The following BBS9 variants were observed in gnomAD, a reference collection of about 807,000 sequenced individuals.
BBS9 encodes the protein protein PTHB1.
In BBS9, 89 loss-of-function variants were observed where a neutral mutation model predicts 117.7. That is an observed-to-expected ratio of 0.76 (90% CI 0.64 to 0.90). The LOEUF (loss-of-function observed/expected upper bound fraction) is 0.90. BBS9 is among the 40% of genes least tolerant of loss of function. The pLI, the probability that BBS9 is intolerant of heterozygous loss-of-function variation, is 0.00. For missense variants in BBS9, 982 were observed against 1,042.2 expected (o/e 0.94, Z 0.80); for synonymous variants, 379 against 370.9 (o/e 1.02, Z -0.25).
At chr7:33,254,130 T>C (rs1305187886) in intron 5 of BBS9, among the ~76,000 whole-genome samples, 1 of 152,226 alleles carries the variant, frequency 6.6e-6, no homozygotes, top group Non-Finnish European at 1.5e-5. Flanking sequence ...TTTTGGATTA[T>C]TTGATATGTG....
At chr7:33,527,027 C>T (rs1282858516) in intron 20 of BBS9, among the ~76,000 whole-genome samples, 4 of 151,242 alleles carry the variant, frequency 2.6e-5, no homozygotes, top group Non-Finnish European at 5.9e-5. Context: ...TCAGTGTGCC[C>T]CTGTTGGGGG....
chr7:33,540,814 T>C (rs1477696726), intron 21 of BBS9, among the ~76,000 whole-genome samples: 1 of 152,232 alleles, frequency 6.6e-6, no homozygotes, highest in Non-Finnish European at 1.5e-5. Context: ...GCAGCTGTTT[T>C]TTGGATTCTC....
At chr7:33,405,669 T>A (rs1829800551) in intron 19 of BBS9, among the ~76,000 whole-genome samples, 1 of 152,218 alleles carries the variant, frequency 6.6e-6, no homozygotes, top group African/African-American at 2.4e-5. Flanking sequence ...TAGTTTGTAT[T>A]TCTGTGGGAT....
At chr7:33,147,809 G>C (rs546840401) in intron 2 of BBS9, among the ~76,000 whole-genome samples, 2 of 152,332 alleles carry the variant, frequency 1.3e-5, no homozygotes, top group Admixed American at 1.3e-4. Flanking sequence ...AATATGCTGA[G>C]ATACTGCTTC....
intron 1 of BBS9, among the ~76,000 whole-genome samples, chr7:33,145,669 C>T (rs913042009): frequency 1.3e-5 from 2 of 152,272 alleles, no homozygotes; most frequent in East Asian, 1.9e-4. Context: ...GTTGGCCCTC[C>T]GTGTCCCCGG....
intron 16 of BBS9, among the ~76,000 whole-genome samples, chr7:33,366,214 G>C (rs1296741712): frequency 2.0e-5 from 3 of 152,166 alleles, no homozygotes; most frequent in Non-Finnish European, 4.4e-5. Flanking sequence ...AAAGATGCTG[G>C]TGTCTTCTGT....
intron 21 of BBS9, among the ~76,000 whole-genome samples, chr7:33,573,313 G>T (rs1239351985): frequency 1.3e-5 from 2 of 151,952 alleles, no homozygotes; most frequent in Non-Finnish European, 2.9e-5. Context: ...ATTCTTCAGT[G>T]GACAGGAAAA....
intron 21 of BBS9, among the ~76,000 whole-genome samples, chr7:33,629,166 C>T (rs1865774358): frequency 2.0e-5 from 3 of 152,162 alleles, no homozygotes; most frequent in Admixed American, 6.5e-5. Context: ...TAAACGCTGA[C>T]CTCTAGGACT....
intron 17 of BBS9, among the ~76,000 whole-genome samples, chr7:33,381,345 T>C (rs1041632681): frequency 1.3e-5 from 2 of 152,168 alleles, no homozygotes; most frequent in African/African-American, 2.4e-5. Context: ...GCTATCAGGC[T>C]CTCTTTCCAA....
rs564075020 is a variant in BBS9, at chr7:33,517,653, C to T, written c.2298+12008C>T. 7.2e-5 allele frequency among the ~76,000 whole-genome samples: 11 copies of T among 152,314 alleles called. No homozygotes were observed. In the South Asian group the frequency reaches 1.9e-3, roughly 26 times the overall value. On this transcript the variant is annotated intron_variant, in intron 20 of 22. Transcript: ENST00000242067. ...TGGCTCTGCTCTCAAGTCAACTACT[C>T]GGGCTTTTATCTTTGTCTCAGGACT...
At chr7:33,449,384 C>T (rs916544821) in intron 19 of BBS9, among the ~76,000 whole-genome samples, 1 of 152,100 alleles carries the variant, frequency 6.6e-6, no homozygotes, top group Non-Finnish European at 1.5e-5. Flanking sequence ...GATTTGTTTC[C>T]CAAATTTGTA....
At chr7:33,204,075 T>C (rs1031336150) in intron 5 of BBS9, among the ~76,000 whole-genome samples, 11 of 149,302 alleles carry the variant, frequency 7.4e-5, no homozygotes, top group African/African-American at 2.0e-4. Flanking sequence ...TCAGTCAGCA[T>C]CCTAGCAGGA....
intron 19 of BBS9, among the ~76,000 whole-genome samples, chr7:33,435,872 T>G (rs1227790873): frequency 6.6e-6 from 1 of 152,166 alleles, no homozygotes; most frequent in Non-Finnish European, 1.5e-5. Flanking sequence ...TTATTATCAG[T>G]GCTGAATATT....
At chr7:33,581,344 G>A (rs1453666333) in intron 21 of BBS9, among the ~76,000 whole-genome samples, 4 of 152,060 alleles carry the variant, frequency 2.6e-5, no homozygotes, top group African/African-American at 7.2e-5. Context: ...ACCTATAAAC[G>A]TTATGACTGT....
At chr7:33,357,711 A>T in intron 15 of BBS9, 144 bp from the exon 16 acceptor site, 1 of 806,618 alleles carries the variant, frequency 1.2e-6, no homozygotes, top group Non-Finnish European at 2.1e-6. Context: ...ATAATAATTT[A>T]CAGTTATTTC....
In BBS9 at chr7:33,130,031, C is replaced by G. The variant is rs1250201971; in HGVS notation, c.-22C>G. On this transcript the variant is annotated 5_prime_UTR_variant, in exon 1 of 23. Transcript: ENST00000242067. ...GAAAGGTGGGGCAGAGCTCATCTGA[C>G]GTGGCATCAGGTAAGATGGTATGTC... 6.6e-6 allele frequency: 1 copy of G among 152,146 alleles called. No individual in the cohort carries two copies. The highest frequency in any genetic ancestry group is 1.5e-5 in the Non-Finnish European group (1 of 68,038). 9.4% of individuals were successfully genotyped at this position (152,146 alleles called of 1,614,324 possible).
chr7:33,146,113 G>T (rs1792301511), intron 1 of BBS9, 129 bp from the exon 2 acceptor site: 11 of 675,412 alleles, frequency 1.6e-5, no homozygotes, highest in Non-Finnish European at 2.5e-5. Flanking sequence ...TCAAATATGT[G>T]TACAAAATAT....
intron 20 of BBS9, among the ~76,000 whole-genome samples, chr7:33,525,029 G>A (rs1479857695): frequency 6.6e-6 from 1 of 151,936 alleles, no homozygotes; most frequent in Non-Finnish European, 1.5e-5. Context: ...TCAGGAGCAG[G>A]TTGTTCAGTT....
chr7:33,537,787 A>G (rs566953736), intron 21 of BBS9, among the ~76,000 whole-genome samples: 6 of 152,336 alleles, frequency 3.9e-5, no homozygotes, highest in Admixed American at 6.5e-5. Flanking sequence ...CAATATTTCA[A>G]TAGCCCTAAT....
Sources: allele counts gnomAD v4.1 joint callset (sites outside exome capture counted in the v4.1 genomes callset), GRCh38; gene constraint gnomAD v4.1.1; transcripts MANE v1.5; gene names NCBI Gene and HGNC (gene_info 2026-07-23, HGNC 2026-07-21).